The following OXR1 variants were observed in gnomAD, a reference collection of about 807,000 sequenced individuals.
The protein encoded by OXR1 is oxidation resistance 1, also known as oxidation resistance protein 1.
Under a neutral mutation model 104.6 loss-of-function variants are expected in OXR1, and 41 were observed. The observed-to-expected ratio is 0.39, with a 90% confidence interval of 0.31 to 0.51. The LOEUF (loss-of-function observed/expected upper bound fraction) is 0.51, where lower values mean the gene tolerates loss of function less well. Ranked by LOEUF, OXR1 falls within the 20% of genes least tolerant of loss-of-function variation. OXR1 has a pLI of 0.77. For synonymous variants in OXR1, 348 were observed against 348.4 expected (o/e 1.00, Z 0.01); for missense variants, 955 against 1,031.9 (o/e 0.93, Z 1.02).
intron 3 of OXR1, among the ~76,000 whole-genome samples, chr8:106,661,986 G>A (rs2131093095): frequency 6.6e-6 from 1 of 152,278 alleles, no homozygotes; most frequent in Middle Eastern, 3.4e-3. Flanking sequence ...AGAAGCAGGG[G>A]TCCACTTTTT....
intron 2 of OXR1, among the ~76,000 whole-genome samples, chr8:106,495,796 A>C (rs919145474): frequency 3.3e-5 from 5 of 152,198 alleles, no homozygotes; most frequent in African/African-American, 1.2e-4. Context: ...AAAATTGTTT[A>C]TAAAATACTT....
intron 2 of OXR1, among the ~76,000 whole-genome samples, chr8:106,473,209 A>T (rs1183912163): frequency 6.6e-6 from 1 of 151,862 alleles, no homozygotes; most frequent in Non-Finnish European, 1.5e-5. Flanking sequence ...CTAAGTCAGG[A>T]TGGAACTTAA....
intron 7 of OXR1, among the ~76,000 whole-genome samples, chr8:106,701,922 AAAGT>A (rs1385989727): frequency 1.3e-5 from 2 of 152,204 alleles, no homozygotes; most frequent in African/African-American, 4.8e-5. Flanking sequence ...GCTCATTTAT[AAAGT>A]AAGAAGGTTA....
intron 1 of OXR1, among the ~76,000 whole-genome samples, chr8:106,331,889 G>A (rs1814726947): frequency 6.6e-6 from 1 of 151,286 alleles, no homozygotes; most frequent in Admixed American, 6.6e-5. Context: ...AGTGAGACAA[G>A]AACGCACCAC....
intron 3 of OXR1, among the ~76,000 whole-genome samples, chr8:106,616,218 A>AT (rs372788802): frequency 0.043 from 4,110 of 96,028 alleles, 197 homozygotes; most frequent in African/African-American, 0.099. Flanking sequence ...ATTTTTTGGA[A>AT]TTTTTTTTTT....
intron 16 of OXR1, 84 bp from the exon 17 acceptor site, chr8:106,750,722 G>A (rs2131615823): frequency 1.1e-6 from 1 of 933,408 alleles, no homozygotes; most frequent in South Asian, 1.8e-5. Context: ...ATAACTTTAG[G>A]GTTGTTAGGT....
intron 3 of OXR1, among the ~76,000 whole-genome samples, chr8:106,558,442 TG>T (rs1445699358): frequency 4.6e-5 from 7 of 152,136 alleles, no homozygotes; most frequent in African/African-American, 1.7e-4. Flanking sequence ...GTAGGCCAAA[TG>T]GAGGATCCGG....
At chr8:106,742,374 A>G in intron 15 of OXR1, 57 bp downstream of exon 15, 1 of 958,404 alleles carries the variant, frequency 1.0e-6, no homozygotes, top group East Asian at 2.4e-5. Context: ...CATACTGCCC[A>G]AAGCAATTTA....
chr8:106,364,910 G>T (rs889596845), intron 2 of OXR1, among the ~76,000 whole-genome samples: 2 of 152,126 alleles, frequency 1.3e-5, no homozygotes, highest in Admixed American at 1.3e-4. Context: ...TCCTATTTGT[G>T]CTGCTAAATT....
At chr8:106,693,990 G>C (rs371756899) in intron 7 of OXR1, among the ~76,000 whole-genome samples, 1 of 151,916 alleles carries the variant, frequency 6.6e-6, no homozygotes, top group Non-Finnish European at 1.5e-5. Context: ...TTTAAATGTT[G>C]TGTTTTCATT....
chr8:106,679,150 T>C, intron 3 of OXR1, 60 bp from the exon 4 acceptor site: 1 of 990,094 alleles, frequency 1.0e-6, no homozygotes, highest in South Asian at 1.3e-5. Flanking sequence ...TATTCAGTAG[T>C]CCTTGACATT....
At chr8:106,354,226 A>G (rs1380936935) in intron 1 of OXR1, among the ~76,000 whole-genome samples, 9 of 152,194 alleles carry the variant, frequency 5.9e-5, no homozygotes, top group African/African-American at 1.9e-4. Context: ...TAGGGAAACC[A>G]GAAAACAAGA....
At chr8:106,582,626 A>C (rs1324731276) in intron 3 of OXR1, among the ~76,000 whole-genome samples, 2 of 152,208 alleles carry the variant, frequency 1.3e-5, no homozygotes, top group Non-Finnish European at 1.5e-5. Flanking sequence ...GCAAAGCTTA[A>C]TAATAATGAA....
chr8:106,294,095 G>T (rs1347447681), intron 1 of OXR1, among the ~76,000 whole-genome samples: 1 of 148,556 alleles, frequency 6.7e-6, no homozygotes, highest in Non-Finnish European at 1.5e-5. Context: ...ATCTTGCATT[G>T]CAATAAAGAA....
intron 2 of OXR1, among the ~76,000 whole-genome samples, chr8:106,446,529 A>G (rs1820017976): frequency 6.6e-6 from 1 of 151,448 alleles, no homozygotes; most frequent in Admixed American, 6.6e-5. Flanking sequence ...GAGGCAAGAA[A>G]ATTGCTTGAA....
chr8:106,318,086 A>C (rs1028822213), intron 1 of OXR1, among the ~76,000 whole-genome samples: 1 of 152,176 alleles, frequency 6.6e-6, no homozygotes, highest in African/African-American at 2.4e-5. Flanking sequence ...TACTGGGCAT[A>C]TGTGATGCTT....
At chr8:106,682,087 A>G (rs1405625077) in intron 4 of OXR1, among the ~76,000 whole-genome samples, 6 of 152,040 alleles carry the variant, frequency 3.9e-5, no homozygotes, top group Admixed American at 6.6e-5. Flanking sequence ...CTTTTCTGGA[A>G]AATTTGGATT....
intron 1 of OXR1, among the ~76,000 whole-genome samples, chr8:106,356,924 C>G (rs1563734591): frequency 6.6e-6 from 1 of 151,944 alleles, no homozygotes; most frequent in Admixed American, 6.6e-5. Context: ...CACAATTTTT[C>G]CCTTTAAGTG....
At chr8:106,563,725 C>T (rs1345419857) in intron 3 of OXR1, among the ~76,000 whole-genome samples, 1 of 152,136 alleles carries the variant, frequency 6.6e-6, no homozygotes, top group Non-Finnish European at 1.5e-5. Flanking sequence ...CTAAAATTGA[C>T]TACGTAATTG....
Sources: gnomAD v4.1 joint callset for allele counts (sites outside exome capture counted in the v4.1 genomes callset) on GRCh38, gnomAD v4.1.1 for gene constraint, MANE v1.5 for transcripts, NCBI Gene and HGNC (gene_info 2026-07-23, HGNC 2026-07-21) for gene names.